Variants in PTPRD observed in about 807,000 individuals in gnomAD.
PTPRD encodes protein tyrosine phosphatase receptor type D.
In PTPRD, 34 loss-of-function variants were observed where a neutral mutation model predicts 214.5. The ratio of observed to expected loss-of-function variants is 0.16; its 90% CI spans 0.12 to 0.21. The LOEUF (loss-of-function observed/expected upper bound fraction) is 0.21, where lower values mean the gene tolerates loss of function less well. Ranked by LOEUF, PTPRD falls within the 10% of genes least tolerant of loss-of-function variation. PTPRD has a pLI of 1.00. For synonymous variants in PTPRD, 1,128 were observed against 845.7 expected (o/e 1.33, Z -5.79); for missense variants, 2,545 against 2,398.7 (o/e 1.06, Z -1.27).
At position 9,345,039 on chromosome 9, in the gene PTPRD, A is replaced by G. The variant is rs563894716; in HGVS notation, c.-203+52410T>C. Among the ~76,000 whole-genome samples, 24 of 152,240 alleles carry G rather than the reference A, an allele frequency of 1.6e-4. No homozygotes were observed. In the East Asian group the frequency reaches 3.9e-3, roughly 25 times the overall value. The stretch of plus-strand genomic sequence containing the variant: ...TAGAAGTCATATATTTGAAGTTGGG[A>G]AGTTAAACAACAGCCTACAAGCAAT... On this transcript the variant is annotated intron_variant, in intron 9 of 45. Transcript: ENST00000381196.
At chr9:9,117,450 C>T (rs771748421) in intron 10 of PTPRD, among the ~76,000 whole-genome samples, 1 of 152,030 alleles carries the variant, frequency 6.6e-6, no homozygotes, top group Non-Finnish European at 1.5e-5. Flanking sequence ...AATGGTGATA[C>T]CCCACAAGAC....
At chr9:10,001,065 G>A (rs1290324980) in intron 4 of PTPRD, among the ~76,000 whole-genome samples, 1 of 152,096 alleles carries the variant, frequency 6.6e-6, no homozygotes, top group Admixed American at 6.5e-5. Context: ...TATCTCTGTA[G>A]CGGGGAGCTT....
At chr9:9,006,392 T>C (rs554072396) in intron 11 of PTPRD, among the ~76,000 whole-genome samples, 1 of 152,224 alleles carries the variant, frequency 6.6e-6, no homozygotes, top group East Asian at 1.9e-4. Context: ...GAAAGTCTAT[T>C]TATGTTAAGG....
chr9:10,005,307 T>G (rs2096450372), intron 4 of PTPRD, among the ~76,000 whole-genome samples: 1 of 152,094 alleles, frequency 6.6e-6, no homozygotes, highest in African/African-American at 2.4e-5. Flanking sequence ...GCTTTATTTC[T>G]GTATCATGAT....
chr9:9,951,117 TAGG>T (rs1375488759), intron 4 of PTPRD, among the ~76,000 whole-genome samples: 1 of 152,038 alleles, frequency 6.6e-6, no homozygotes, highest in African/African-American at 2.4e-5. Flanking sequence ...GAATAAGATG[TAGG>T]AGGAGGGTGA....
chr9:8,382,671 T>G (rs1450345002), intron 37 of PTPRD, among the ~76,000 whole-genome samples: 1 of 152,058 alleles, frequency 6.6e-6, no homozygotes, highest in Non-Finnish European at 1.5e-5. Context: ...GACCCCAACA[T>G]CCTTTAGATT....
chr9:9,438,570 T>G (rs1309705435), intron 8 of PTPRD, among the ~76,000 whole-genome samples: 1 of 152,200 alleles, frequency 6.6e-6, no homozygotes, highest in Non-Finnish European at 1.5e-5. Flanking sequence ...CAGTTAGTTG[T>G]GTACTGGGCC....
intron 5 of PTPRD, among the ~76,000 whole-genome samples, chr9:9,894,372 T>C (rs1420115519): frequency 1.3e-5 from 2 of 152,106 alleles, no homozygotes; most frequent in African/African-American, 2.4e-5. Flanking sequence ...CCCTGTGTGA[T>C]CTTTCTACTA....
intron 2 of PTPRD, among the ~76,000 whole-genome samples, chr9:10,602,630 T>C (rs556861116): frequency 1.3e-5 from 2 of 151,894 alleles, no homozygotes; most frequent in African/African-American, 4.8e-5. Flanking sequence ...TTTAATACAA[T>C]GTGACGCAGT....
At chr9:10,158,657 T>C (rs1239642009) in intron 3 of PTPRD, among the ~76,000 whole-genome samples, 2 of 152,148 alleles carry the variant, frequency 1.3e-5, no homozygotes, top group Non-Finnish European at 2.9e-5. Flanking sequence ...TCTGAGCATA[T>C]GGTAAAAGAA....
At chr9:8,925,756 C>T (rs1304516772) in intron 11 of PTPRD, among the ~76,000 whole-genome samples, 1 of 151,536 alleles carries the variant, frequency 6.6e-6, no homozygotes, top group African/African-American at 2.4e-5. Flanking sequence ...CACCTCTTGT[C>T]TCCTTTCTCC....
intron 3 of PTPRD, among the ~76,000 whole-genome samples, chr9:10,312,926 C>G (rs147032962): frequency 2.9e-4 from 44 of 152,042 alleles, no homozygotes; most frequent in African/African-American, 1.0e-3. Context: ...TTCTTGGTAA[C>G]TATAATTACA....
At chr9:10,043,941 G>A (rs1363638804) in intron 3 of PTPRD, among the ~76,000 whole-genome samples, 1 of 151,732 alleles carries the variant, frequency 6.6e-6, no homozygotes, top group African/African-American at 2.4e-5. Flanking sequence ...CTTCTATTCT[G>A]ATTACTGGCT....
intron 9 of PTPRD, among the ~76,000 whole-genome samples, chr9:9,197,787 A>C (rs2099939495): frequency 6.6e-6 from 1 of 152,290 alleles, no homozygotes. Flanking sequence ...TTCATGTTTC[A>C]GATACTCAAT....
At chr9:9,000,330 T>G (rs1169481725) in intron 11 of PTPRD, among the ~76,000 whole-genome samples, 1 of 152,004 alleles carries the variant, frequency 6.6e-6, no homozygotes, top group Non-Finnish European at 1.5e-5. Flanking sequence ...ATAAAATCTC[T>G]CTTTTGCAAA....
intron 9 of PTPRD, among the ~76,000 whole-genome samples, chr9:9,386,434 A>G (rs1225599426): frequency 2.0e-5 from 3 of 152,182 alleles, no homozygotes; most frequent in Non-Finnish European, 2.9e-5. Context: ...GAGTGAGGGT[A>G]GATCCCGGTA....
intron 30 of PTPRD, among the ~76,000 whole-genome samples, chr9:8,476,561 T>C (rs16927980): frequency 0.016 from 2,490 of 152,316 alleles, 59 homozygotes; most frequent in African/African-American, 0.051. Context: ...ATCTACTAAC[T>C]GATTATTTTC....
chr9:9,761,311 A>G (rs2098653978), intron 6 of PTPRD, among the ~76,000 whole-genome samples: 1 of 152,222 alleles, frequency 6.6e-6, no homozygotes, highest in East Asian at 1.9e-4. Flanking sequence ...CCATTTATAT[A>G]TCATGTTTAA....
At chr9:8,578,732 A>C (rs180916036) in intron 14 of PTPRD, among the ~76,000 whole-genome samples, 36 of 152,340 alleles carry the variant, frequency 2.4e-4, no homozygotes, top group Non-Finnish European at 2.9e-4. Flanking sequence ...CCCCATCCTC[A>C]AGTGTCAATT....
Sources: gnomAD v4.1 joint callset for allele counts (sites outside exome capture counted in the v4.1 genomes callset) on GRCh38, gnomAD v4.1.1 for gene constraint, MANE v1.5 for transcripts, NCBI Gene and HGNC (gene_info 2026-07-23, HGNC 2026-07-21) for gene names.